The following KIF21A variants were observed in gnomAD, a reference collection of about 807,000 sequenced individuals.
The protein encoded by KIF21A is kinesin family member 21A.
In KIF21A, 114 loss-of-function variants were observed where a neutral mutation model predicts 202.9. The observed-to-expected ratio is 0.56, with a 90% CI of 0.48 to 0.66. The LOEUF is 0.66. Ranked by LOEUF, KIF21A falls within the 30% of genes least tolerant of loss-of-function variation. The probability of loss-of-function intolerance (pLI) is 0.00; values close to 1 mark genes in which losing one functional copy is unlikely to be tolerated. For missense variants in KIF21A, 1,677 were observed against 1,994.9 expected, an observed-to-expected ratio of 0.84 and a Z score of 3.04; for synonymous variants, 667 against 670.8, an observed-to-expected ratio of 0.99 and a Z score of 0.09.
chr12:39,427,459 T>A (rs944540744), intron 1 of KIF21A, among the ~76,000 whole-genome samples: 1 of 152,208 alleles, frequency 6.6e-6, no homozygotes, highest in African/African-American at 2.4e-5. Flanking sequence ...ACAGGGTTAC[T>A]TTTACACCGC....
chr12:39,391,244 T>A (rs980299930), intron 1 of KIF21A, among the ~76,000 whole-genome samples: 4 of 152,126 alleles, frequency 2.6e-5, no homozygotes, highest in Non-Finnish European at 5.9e-5. Flanking sequence ...TCCAAATCCA[T>A]TTGGTTCTTA....
intron 1 of KIF21A, among the ~76,000 whole-genome samples, chr12:39,427,043 T>TTGTGTAGACATGCAAGGC (rs1954821396): frequency 6.6e-6 from 1 of 152,178 alleles, no homozygotes; most frequent in African/African-American, 2.4e-5. Context: ...CCATCAGGTC[T>TTGTGTAGACATGCAAGGC]TGTGTAGACA....
intron 17 of KIF21A, 151 bp downstream of exon 17, chr12:39,336,945 T>C (rs1241036058): frequency 1.6e-6 from 1 of 638,288 alleles, no homozygotes; most frequent in African/African-American, 1.8e-5. Flanking sequence ...CCACATACTG[T>C]AATAAATGAC....
chr12:39,371,712 T>G (rs1327027821), intron 1 of KIF21A, among the ~76,000 whole-genome samples: 1 of 151,978 alleles, frequency 6.6e-6, no homozygotes, highest in Non-Finnish European at 1.5e-5. Flanking sequence ...GGCCAATAGC[T>G]TGAGGTCAGG....
rs1942081209 is a variant in KIF21A, at chr12:39,294,250, C to A, written c.*174G>T. 4 of 593,280 alleles carry A rather than the reference C, an allele frequency of 6.7e-6. No homozygotes were observed. Among genetic ancestry groups the A allele is most frequent in the Non-Finnish European group, 1.2e-5 (4 of 325,512 alleles). The allele number at this position is 593,280 out of a possible 1,614,324, so 36.8% of individuals were successfully genotyped here. Reference sequence around the variant, plus strand: ...TTGGTTGATCTTAAAACTAAGCACACAGGATAGTACACAATTTTATTAGAA... The same window carrying A: ...TTGGTTGATCTTAAAACTAAGCACAAAGGATAGTACACAATTTTATTAGAA... On this transcript the variant is annotated 3_prime_UTR_variant, in exon 38 of 38. Transcript: ENST00000361418.
chr12:39,400,368 A>G (rs891669480), intron 1 of KIF21A, among the ~76,000 whole-genome samples: 1 of 152,080 alleles, frequency 6.6e-6, no homozygotes, highest in Non-Finnish European at 1.5e-5. Flanking sequence ...GGTTTGCTGC[A>G]CAGATCAACC....
intron 1 of KIF21A, among the ~76,000 whole-genome samples, chr12:39,380,223 C>T (rs2139408825): frequency 6.6e-6 from 1 of 152,372 alleles, no homozygotes; most frequent in Non-Finnish European, 1.5e-5. Flanking sequence ...CTGCCTCAGC[C>T]TCCCAAAATA....
intron 33 of KIF21A, among the ~76,000 whole-genome samples, chr12:39,309,105 A>C (rs1287120602): frequency 2.0e-5 from 3 of 152,182 alleles, no homozygotes; most frequent in African/African-American, 7.2e-5. Context: ...GCAGTTATGA[A>C]ATTTGTACTC....
At chr12:39,310,866 T>A (rs1408792134) in intron 32 of KIF21A, among the ~76,000 whole-genome samples, 1 of 152,046 alleles carries the variant, frequency 6.6e-6, no homozygotes, top group Non-Finnish European at 1.5e-5. Flanking sequence ...TGAAGAAGGG[T>A]ATACCTAGGT....
chr12:39,338,535 C>A lies in KIF21A; in HGVS notation c.2311-1332G>T, dbSNP rs912162567. 1.1e-4 allele frequency among the ~76,000 whole-genome samples: 17 copies of A among 152,288 alleles called. No individual in the cohort carries two copies. In the East Asian group the frequency reaches 3.3e-3, roughly 29 times the overall value. On this transcript the variant is annotated intron_variant, in intron 16 of 37. Coordinates refer to ENST00000361418, the MANE Select transcript of KIF21A (RefSeq NM_001173464.2). ...TAGCTATGTCCTAGGACTTCACGTT[C>A]ATTCACCATTCACTCACTGACTCAC...
chr12:39,339,798 G>A (rs1565853927), intron 16 of KIF21A, among the ~76,000 whole-genome samples: 1 of 152,152 alleles, frequency 6.6e-6, no homozygotes, highest in East Asian at 1.9e-4. Context: ...AAGGCTTACT[G>A]TATATCTGTA....
At chr12:39,432,456 T>C (rs899519568) in intron 1 of KIF21A, among the ~76,000 whole-genome samples, 1 of 152,234 alleles carries the variant, frequency 6.6e-6, no homozygotes, top group Admixed American at 6.5e-5. Flanking sequence ...CCTATAAAAA[T>C]GAAATTAATG....
chr12:39,296,025 TAAAAA>T (rs34017775), intron 37 of KIF21A, among the ~76,000 whole-genome samples: 3 of 86,786 alleles, frequency 3.5e-5, no homozygotes, highest in South Asian at 4.5e-4. Flanking sequence ...GTTTGTTTGT[TAAAAA>T]AAAAAAAAAA....
intron 29 of KIF21A, among the ~76,000 whole-genome samples, chr12:39,316,372 A>C (rs766606164): frequency 0.039 from 5,898 of 152,242 alleles, 164 homozygotes; most frequent in Non-Finnish European, 0.062. Context: ...TCACCTTGAT[A>C]ATTATCACTT....
chr12:39,297,599 G>T (rs1036406279), intron 37 of KIF21A, among the ~76,000 whole-genome samples: 2 of 129,564 alleles, frequency 1.5e-5, no homozygotes, highest in African/African-American at 2.8e-5. Context: ...GGGTGGGGGG[G>T]TGGGGAGGGA....
Position 39,318,113 on chromosome 12 carries a change from G to T in KIF21A, c.3868C>A (p.Leu1290Ile). ...GATGTGTTTCCCTGAGAAACAGTAA[G>T]ACGATTAAAAACATTCAGTTCATTA... is the stretch of plus-strand genomic sequence containing the variant. ...PRNELNVFNR[L>I]TVSQGNTSVQ... Residue 1290 changes from leucine (L) to isoleucine (I), a missense_variant, in exon 29 of 38, where the codon CTT becomes ATT. By Grantham distance (5) the Leu-to-Ile change is conservative. Around this residue, in one of 3 missense-constraint regions of KIF21A, gnomAD observed 705 missense variants for 791.9 expected, o/e 0.89. Transcript: ENST00000361418. 1.2e-6 allele frequency: 2 copies of T among 1,613,444 alleles called. No homozygotes were observed. The highest frequency in any genetic ancestry group is 2.2e-5 in the South Asian group (2 of 91,076).
intron 8 of KIF21A, 147 bp from the exon 9 acceptor site, chr12:39,357,584 T>TA: frequency 1.4e-6 from 1 of 703,432 alleles, no homozygotes; most frequent in South Asian, 1.5e-5. Flanking sequence ...CTTTCACCTC[T>TA]AGTAGAACAC....
chr12:39,441,674 A>AAAAAAAAAAAAAAAAAAAAAAAAAAAAAT (rs1429943496), intron 1 of KIF21A, among the ~76,000 whole-genome samples: 1 of 148,144 alleles, frequency 6.8e-6, no homozygotes, highest in East Asian at 2.0e-4. Flanking sequence ...AAAAAAAAAA[A>AAAAAAAAAAAAAAAAAAAAAAAAAAAAAT]AAAAAACACT....
At chr12:39,333,157 T>A (rs1946652667) in intron 18 of KIF21A, 50 bp from the exon 19 acceptor site, 1 of 1,605,022 alleles carries the variant, frequency 6.2e-7, no homozygotes, top group Non-Finnish European at 8.5e-7. Context: ...TAGAAATACA[T>A]CATTTATCTC....
Sources: gnomAD v4.1 joint callset for allele counts (sites outside exome capture counted in the v4.1 genomes callset) on GRCh38, gnomAD v4.1.1 for gene constraint, gnomAD v4.1.1 regional missense constraint, MANE v1.5 for transcripts, NCBI Gene and HGNC (gene_info 2026-07-23, HGNC 2026-07-21) for gene names.